Variants in CDH2 observed in about 807,000 individuals in gnomAD.
CDH2 encodes the protein cadherin 2.
In CDH2, 17 loss-of-function variants were observed where a neutral mutation model predicts 92.0. That is an observed-to-expected ratio of 0.18 (90% CI 0.13 to 0.28). The LOEUF (loss-of-function observed/expected upper bound fraction) is 0.28. CDH2 is among the 10% of genes least tolerant of loss of function. The probability of loss-of-function intolerance (pLI) is 1.00; values close to 1 mark genes in which losing one functional copy is unlikely to be tolerated. For synonymous variants in CDH2, 419 were observed against 415.9 expected, an observed-to-expected ratio of 1.01 and a Z score of -0.09; for missense variants, 862 against 1,133.1, an observed-to-expected ratio of 0.76 and a Z score of 3.44.
intron 14 of CDH2, among the ~76,000 whole-genome samples, chr18:27,978,645 T>A (rs983131328): frequency 2.0e-5 from 3 of 151,896 alleles, no homozygotes; most frequent in African/African-American, 7.3e-5. Context: ...GGGTAGACAT[T>A]TTATTTTCTC....
chr18:28,152,101 C>T (rs187298618), intron 1 of CDH2, among the ~76,000 whole-genome samples: 8 of 152,234 alleles, frequency 5.3e-5, no homozygotes, highest in East Asian at 1.9e-4. Flanking sequence ...GCAGATCCCT[C>T]GAATAGTGTG....
chr18:28,006,717 C>CAAAA (rs35592550), intron 5 of CDH2, among the ~76,000 whole-genome samples: 4 of 77,606 alleles, frequency 5.2e-5, no homozygotes, highest in African/African-American at 9.5e-5. Context: ...GACTCTGTCT[C>CAAAA]AAAAAAAAAA....
chr18:27,984,987 T>C lies in CDH2; in HGVS notation c.2209+13A>G. 1 of 1,594,974 alleles carries C rather than the reference T, an allele frequency of 6.3e-7. No individual in the cohort carries two copies. Among genetic ancestry groups the C allele is most frequent in the African/African-American group, 1.3e-5 (1 of 74,570 alleles). On this transcript the variant is annotated intron_variant, in intron 13 of 15. Transcript: ENST00000269141. ...AAGAGAACTGAAATCTAAAAGACAA[T>C]AAAAGTACTCACTAAGCAGGATGAT...
At chr18:27,932,966 G>A (rs1009494463) in exon 7 of CDH2, among the ~76,000 whole-genome samples, 1 of 152,148 alleles carries the variant, frequency 6.6e-6, no homozygotes, top group Non-Finnish European at 1.5e-5. Flanking sequence ...ACATGTAGTT[G>A]TAACTCTAAA....
At chr18:27,980,717 T>C (rs1044248595) in intron 14 of CDH2, among the ~76,000 whole-genome samples, 11 of 143,220 alleles carry the variant, frequency 7.7e-5, no homozygotes, top group Admixed American at 3.7e-4. Context: ...ACGATACAGA[T>C]AGAATTCCAG....
At chr18:27,994,637 C>T (rs2012524493) in intron 7 of CDH2, among the ~76,000 whole-genome samples, 1 of 152,166 alleles carries the variant, frequency 6.6e-6, no homozygotes, top group South Asian at 2.1e-4. Context: ...AAATCCGCTA[C>T]ATACAAAAAT....
chr18:28,102,624 C>T (rs11564390), intron 2 of CDH2, among the ~76,000 whole-genome samples: 6,855 of 152,090 alleles, frequency 0.045, 179 homozygotes, highest in South Asian at 0.083. Flanking sequence ...ATTCCCTTGC[C>T]TTTTTAAGTC....
At chr18:28,063,782 A>G (rs1451477509) in intron 2 of CDH2, among the ~76,000 whole-genome samples, 1 of 152,232 alleles carries the variant, frequency 6.6e-6, no homozygotes, top group African/African-American at 2.4e-5. Context: ...TAAACTACAT[A>G]TCCTGGGATT....
intron 2 of CDH2, among the ~76,000 whole-genome samples, chr18:28,128,720 A>G (rs1346618911): frequency 1.3e-5 from 2 of 152,076 alleles, no homozygotes; most frequent in African/African-American, 4.8e-5. Flanking sequence ...TTCAACTGTA[A>G]TACCTAAAGT....
intron 2 of CDH2, among the ~76,000 whole-genome samples, chr18:28,112,721 A>G (rs1015737748): frequency 6.6e-6 from 1 of 152,112 alleles, no homozygotes; most frequent in African/African-American, 2.4e-5. Flanking sequence ...AACAACAACA[A>G]CAACAATTTC....
intron 2 of CDH2, among the ~76,000 whole-genome samples, chr18:28,052,571 C>T (rs1972934): frequency 0.17 from 25,227 of 151,982 alleles, 2,428 homozygotes; most frequent in East Asian, 0.3. Context: ...TTAAATAGTA[C>T]TTTAACTTCA....
chr18:27,973,044 GAACAAACT>G (rs2011709939), intron 14 of CDH2, among the ~76,000 whole-genome samples: 1 of 152,056 alleles, frequency 6.6e-6, no homozygotes, highest in Admixed American at 6.5e-5. Context: ...GGTAATGAGA[GAACAAACT>G]GAATTGTCAA....
chr18:28,167,001 T>C (rs575726614), intron 1 of CDH2, among the ~76,000 whole-genome samples: 72 of 152,178 alleles, frequency 4.7e-4, no homozygotes, highest in African/African-American at 1.7e-3. Context: ...TGTGTGGAAG[T>C]AGAAACCCCT....
At chr18:28,058,436 A>G (rs2144140746) in intron 2 of CDH2, among the ~76,000 whole-genome samples, 1 of 152,316 alleles carries the variant, frequency 6.6e-6, no homozygotes, top group Non-Finnish European at 1.5e-5. Context: ...TTCAAGGTTA[A>G]AATGGCCCCT....
At chr18:28,105,355 A>G (rs2015303973) in intron 2 of CDH2, among the ~76,000 whole-genome samples, 1 of 152,228 alleles carries the variant, frequency 6.6e-6, no homozygotes, top group African/African-American at 2.4e-5. Context: ...TCAGAAATAG[A>G]GCAAACTCTA....
chr18:28,007,491 T>A (rs1166156557), intron 5 of CDH2, among the ~76,000 whole-genome samples: 2 of 151,788 alleles, frequency 1.3e-5, no homozygotes, highest in Non-Finnish European at 2.9e-5. Context: ...CTTCAACATA[T>A]CCTTTTTTAA....
intron 5 of CDH2, 52 bp downstream of exon 5, chr18:28,009,665 C>A: frequency 1.3e-6 from 2 of 1,550,116 alleles, no homozygotes; most frequent in South Asian, 1.2e-5. Context: ...GTAAACTCTG[C>A]AGACATTTAG....
intron 2 of CDH2, among the ~76,000 whole-genome samples, chr18:28,035,338 C>T (rs1012062968): frequency 1.1e-4 from 16 of 152,086 alleles, no homozygotes; most frequent in East Asian, 5.8e-4. Context: ...CACATACTAC[C>T]TTTTGATAAT....
rs146664597 is a variant in CDH2, at chr18:28,125,391, G to A, written c.172+22282C>T. The stretch of plus-strand genomic sequence containing the variant: ...ATATCTGCTGGCAGTGATTCCAAAG[G>A]CAGATAGGAGATGGAATGGAGTAAA... On this transcript the variant is annotated intron_variant, in intron 2 of 15. Transcript: ENST00000269141. Among the ~76,000 whole-genome samples the A allele has an allele frequency of 4.0e-3, 610 of 152,150 alleles. 7 individuals carry two copies. Among genetic ancestry groups the A allele is most frequent in the African/African-American group, 0.014 (591 of 41,510 alleles).
Sources: gnomAD v4.1 joint callset for allele counts (sites outside exome capture counted in the v4.1 genomes callset) on GRCh38, gnomAD v4.1.1 for gene constraint, MANE v1.5 for transcripts, NCBI Gene and HGNC (gene_info 2026-07-23, HGNC 2026-07-21) for gene names.